PRKCQ: variants seen among roughly 807,000 people sequenced by gnomAD.
PRKCQ encodes the protein protein kinase C theta type.
A neutral mutation model predicts 91.2 loss-of-function variants in PRKCQ; 41 were observed. The ratio of observed to expected loss-of-function variants is 0.45; its 90% CI spans 0.35 to 0.58. The LOEUF (loss-of-function observed/expected upper bound fraction) is 0.58, where lower values mean the gene tolerates loss of function less well. Ranked by LOEUF, PRKCQ falls within the 20% of genes least tolerant of loss-of-function variation. The pLI, the probability that PRKCQ is intolerant of heterozygous loss-of-function variation, is 0.00. For synonymous variants in PRKCQ, 307 were observed against 316.9 expected (o/e 0.97, Z 0.33); for missense variants, 673 against 896.5 (o/e 0.75, Z 3.18).
chr10:6,541,397 A>G (rs1404773535), intron 1 of PRKCQ, among the ~76,000 whole-genome samples: 1 of 152,202 alleles, frequency 6.6e-6, no homozygotes, highest in Admixed American at 6.5e-5. Flanking sequence ...TCTTAAGGAC[A>G]TTTATTTCTA....
intron 12 of PRKCQ, among the ~76,000 whole-genome samples, chr10:6,472,038 G>C (rs974458711): frequency 5.3e-5 from 8 of 152,182 alleles, no homozygotes; most frequent in Non-Finnish European, 1.2e-4. Flanking sequence ...GCCGGGCGCG[G>C]TGGCTCACGC....
intron 1 of PRKCQ, among the ~76,000 whole-genome samples, chr10:6,541,983 C>T (rs763033970): frequency 6.6e-6 from 1 of 152,104 alleles, no homozygotes; most frequent in Non-Finnish European, 1.5e-5. Flanking sequence ...AGCAATTCTG[C>T]GCTATTTAAG....
rs1839915599 is a variant in PRKCQ at position 6,545,443 on chromosome 10, T to C, written c.-9-30299A>G. Among the ~76,000 whole-genome samples, 4 of 152,290 alleles carry C rather than the reference T, an allele frequency of 2.6e-5. No homozygotes were observed. The South Asian group carries it at 6.2e-4, about 24-fold the overall frequency. The stretch of plus-strand genomic sequence containing the variant: ...GGACGTGGTGACACCTGCTACAACA[T>C]GGAGGAAACTTGGGGACATTATGCT... On this transcript the variant is annotated intron_variant, in intron 1 of 17. Coordinates refer to ENST00000263125, the MANE Select transcript of PRKCQ (RefSeq NM_006257.5).
At chr10:6,524,993 T>C (rs1839145830) in intron 1 of PRKCQ, among the ~76,000 whole-genome samples, 1 of 152,174 alleles carries the variant, frequency 6.6e-6, no homozygotes, top group Non-Finnish European at 1.5e-5. Flanking sequence ...TAGCCCACAT[T>C]ACAGCTGAAC....
chr10:6,418,082 C>T, the PRKCQ span, among the ~76,000 whole-genome samples: 3 of 152,180 alleles, frequency 2.0e-5, no homozygotes, highest in Non-Finnish European at 2.9e-5. Context: ...CTTCTGAAAG[C>T]GTATTTGACA....
chr10:6,510,942 A>G (rs1393744283), intron 3 of PRKCQ, 53 bp downstream of exon 3: 6 of 1,604,602 alleles, frequency 3.7e-6, no homozygotes, highest in Non-Finnish European at 5.1e-6. Flanking sequence ...TGAGCCAGTC[A>G]TCGGCTACCA....
chr10:6,431,377 A>C (rs1303569794), intron 16 of PRKCQ, among the ~76,000 whole-genome samples: 1 of 152,158 alleles, frequency 6.6e-6, no homozygotes, highest in Non-Finnish European at 1.5e-5. Flanking sequence ...CATGGACATA[A>C]ACACACACTG....
chr10:6,579,992 C>G (rs1267846248), intron 1 of PRKCQ, among the ~76,000 whole-genome samples: 1 of 152,192 alleles, frequency 6.6e-6, no homozygotes, highest in African/African-American at 2.4e-5. Context: ...GCCAGCATCC[C>G]GCATCCCGTG....
chr10:6,563,399 A>G (rs1840707384), intron 1 of PRKCQ, among the ~76,000 whole-genome samples: 1 of 151,890 alleles, frequency 6.6e-6, no homozygotes, highest in South Asian at 2.1e-4. Context: ...CCCCATGGGG[A>G]CAGGTCTCCA....
intron 15 of PRKCQ, 106 bp from the exon 16 acceptor site, chr10:6,442,187 T>C: frequency 8.8e-7 from 1 of 1,136,452 alleles, no homozygotes; most frequent in East Asian, 2.6e-5. Context: ...AGGATGATGG[T>C]GTGCAAGAAA....
intron 12 of PRKCQ, among the ~76,000 whole-genome samples, chr10:6,466,785 C>A (rs115390683): frequency 6.6e-6 from 1 of 152,116 alleles, no homozygotes; most frequent in African/African-American, 2.4e-5. Context: ...TCTGCAGAAC[C>A]GCAAGCAAAA....
chr10:6,574,498 G>A (rs1376488132), intron 1 of PRKCQ, among the ~76,000 whole-genome samples: 1 of 152,150 alleles, frequency 6.6e-6, no homozygotes, highest in Non-Finnish European at 1.5e-5. Context: ...CCCATCTGGA[G>A]GATAACGTAT....
At chr10:6,512,548 G>C (rs1838534943) in intron 2 of PRKCQ, among the ~76,000 whole-genome samples, 1 of 152,216 alleles carries the variant, frequency 6.6e-6, no homozygotes, top group Middle Eastern at 3.2e-3. Context: ...TTCAGAAGCA[G>C]AAACCTGCAT....
At position 6,446,264 on chromosome 10, in the gene PRKCQ, G is replaced by T. The variant is rs957649772; in HGVS notation, c.1648-4183C>A. Among the ~76,000 whole-genome samples the T allele has an allele frequency of 4.6e-5, 7 of 151,546 alleles. 1 individual carries two copies. The highest frequency in any genetic ancestry group is 1.5e-5 in the Non-Finnish European group (1 of 67,942). ...GAGCTGAGAGCAATGTTCTGAATCT[G>T]GTCTTTCAGGATTTTACCACGTGAT... On this transcript the variant is annotated intron_variant, in intron 15 of 17. Coordinates refer to ENST00000263125, the MANE Select transcript of PRKCQ (RefSeq NM_006257.5).
chr10:6,514,199 T>C (rs1185407381), intron 2 of PRKCQ, among the ~76,000 whole-genome samples: 1 of 152,140 alleles, frequency 6.6e-6, no homozygotes, highest in Non-Finnish European at 1.5e-5. Context: ...CCCTACAAAG[T>C]GTCTGCTAAA....
intron 15 of PRKCQ, among the ~76,000 whole-genome samples, chr10:6,452,095 G>C (rs867865485): frequency 6.6e-6 from 1 of 152,034 alleles, no homozygotes; most frequent in Non-Finnish European, 1.5e-5. Flanking sequence ...GGCAGGAGAA[G>C]GAAATAAAGG....
Position 6,428,324 on chromosome 10 carries a change from G to A in PRKCQ, c.2004C>T (p.Phe668=). 1 of 1,614,046 alleles carries A rather than the reference G, an allele frequency of 6.2e-7. No individual in the cohort carries two copies. Among genetic ancestry groups the A allele is most frequent in the Non-Finnish European group, 8.5e-7 (1 of 1,179,982 alleles). The change falls in exon 18 of 18, where the codon TTC becomes TTT. Residue 668 remains phenylalanine, a synonymous_variant. Coordinates refer to ENST00000263125, the MANE Select transcript of PRKCQ (RefSeq NM_006257.5). ...PFDCSNFDKE[F]LNEKPRLSFA... ...ATGACAGCCGGGGCTTCTCGTTTAA[G>A]AATTCTTTGTCGAAATTGCTGCAGT...
At chr10:6,455,208 C>T (rs952884516) in intron 15 of PRKCQ, among the ~76,000 whole-genome samples, 90 of 152,280 alleles carry the variant, frequency 5.9e-4, no homozygotes, top group Non-Finnish European at 5.9e-5. Context: ...CCTCTTAAGT[C>T]CCCATCACTC....
chr10:6,519,024 T>C (rs889813764), intron 1 of PRKCQ, among the ~76,000 whole-genome samples: 7 of 152,172 alleles, frequency 4.6e-5, no homozygotes, highest in African/African-American at 1.7e-4. Context: ...TATATATGTG[T>C]GTGTTTATGT....
Sources: allele counts gnomAD v4.1 joint callset (sites outside exome capture counted in the v4.1 genomes callset), GRCh38; gene constraint gnomAD v4.1.1; transcripts MANE v1.5; gene names NCBI Gene and HGNC (gene_info 2026-07-23, HGNC 2026-07-21).